The following IGSF11 variants were observed in gnomAD, a reference collection of about 807,000 sequenced individuals.
The protein encoded by IGSF11 is immunoglobulin superfamily member 11.
IGSF11 carries 22 observed loss-of-function variants against 41.0 expected under a neutral mutation model. That is an observed-to-expected ratio of 0.54 (90% CI 0.38 to 0.77). The LOEUF is 0.77. Ranked by LOEUF, IGSF11 falls within the 30% of genes least tolerant of loss-of-function variation. The pLI, the probability that IGSF11 is intolerant of heterozygous loss-of-function variation, is 0.00. For missense variants in IGSF11, 444 were observed against 530.8 expected (o/e 0.84, Z 1.61); for synonymous variants, 219 against 201.3 (o/e 1.09, Z -0.74).
intron 1 of IGSF11, among the ~76,000 whole-genome samples, chr3:118,974,641 C>A (rs114941672): frequency 2.3e-3 from 349 of 152,276 alleles, no homozygotes; most frequent in African/African-American, 7.9e-3. Flanking sequence ...CCATGACTGG[C>A]TTCCCAAAAG....
intron 1 of IGSF11, among the ~76,000 whole-genome samples, chr3:119,058,450 C>T (rs375660923): frequency 2.0e-5 from 3 of 151,904 alleles, no homozygotes; most frequent in Non-Finnish European, 4.4e-5. Context: ...GTTAGAATGG[C>T]AATCATTAAA....
chr3:118,974,693 C>A (rs1425205235), intron 1 of IGSF11, among the ~76,000 whole-genome samples: 1 of 152,152 alleles, frequency 6.6e-6, no homozygotes, highest in Admixed American at 6.5e-5. Flanking sequence ...CCTTTAAATT[C>A]TCCTTCCTCC....
At chr3:119,055,289 TGCAGC>T in intron 1 of IGSF11, among the ~76,000 whole-genome samples, 1 of 144,760 alleles carries the variant, frequency 6.9e-6, no homozygotes, top group Non-Finnish European at 1.5e-5. Flanking sequence ...TCCAAAGGAA[TGCAGC>T]TTCTCACCAG....
intron 1 of IGSF11, among the ~76,000 whole-genome samples, chr3:119,078,068 C>T (rs76012513): frequency 1.3e-5 from 2 of 152,154 alleles, no homozygotes; most frequent in South Asian, 2.1e-4. Context: ...TAGAAAACAT[C>T]GATATTATTA....
At chr3:119,032,425 TC>T (rs1418177196) in intron 1 of IGSF11, among the ~76,000 whole-genome samples, 1 of 152,160 alleles carries the variant, frequency 6.6e-6, no homozygotes, top group Non-Finnish European at 1.5e-5. Flanking sequence ...TTCATCCTCT[TC>T]CCCGCCCCAC....
rs376403171 is a variant in IGSF11, at chr3:118,930,194, G to A, written c.134C>T (p.Thr45Ile). Residue 45 changes from threonine (T) to isoleucine (I), a missense_variant, in exon 2 of 7, where the codon ACT becomes ATT. Around this residue, in one of 3 missense-constraint regions of IGSF11, gnomAD observed 193 missense variants for 283.5 expected, o/e 0.68. Transcript: ENST00000393775. ...ARGQPAVLPC[T>I]FTTSAALINL... The stretch of plus-strand genomic sequence containing the variant: ...AATGAGGGCAGCGCTGGTAGTGAAA[G>A]TGCAGGGCAGGACTGCTGGCTGACC... 5.0e-6 allele frequency: 8 copies of A among 1,614,080 alleles called. No homozygotes were observed. In the African/African-American group the frequency reaches 1.1e-4, roughly 22 times the overall value.
intron 1 of IGSF11, among the ~76,000 whole-genome samples, chr3:119,043,828 C>G (rs760233064): frequency 2.0e-5 from 3 of 152,166 alleles, no homozygotes; most frequent in African/African-American, 7.2e-5. Context: ...TGCAGTCCAG[C>G]TTTCAAGAAG....
At chr3:119,060,622 G>A (rs915765405) in intron 1 of IGSF11, among the ~76,000 whole-genome samples, 1 of 152,114 alleles carries the variant, frequency 6.6e-6, no homozygotes, top group East Asian at 1.9e-4. Flanking sequence ...AAAGAAAACT[G>A]AGATTCAAAG....
chr3:118,922,021 AAGAC>A (rs1297925425), intron 4 of IGSF11, among the ~76,000 whole-genome samples: 1 of 152,016 alleles, frequency 6.6e-6, no homozygotes, highest in African/African-American at 2.4e-5. Flanking sequence ...AGGACAATAG[AAGAC>A]AGAAAAAAAA....
At chr3:119,102,504 G>C (rs923346917) in intron 1 of IGSF11, among the ~76,000 whole-genome samples, 7 of 152,086 alleles carry the variant, frequency 4.6e-5, no homozygotes, top group African/African-American at 1.7e-4. Context: ...TAACATAAAT[G>C]TTAACAATTC....
intron 4 of IGSF11, among the ~76,000 whole-genome samples, chr3:118,911,145 AAATG>A (rs1285315568): frequency 6.6e-6 from 1 of 152,122 alleles, no homozygotes; most frequent in Non-Finnish European, 1.5e-5. Context: ...ATATATGTAA[AAATG>A]AATGAATATA....
intron 1 of IGSF11, among the ~76,000 whole-genome samples, chr3:119,046,792 G>C (rs1325083626): frequency 6.6e-6 from 1 of 151,866 alleles, no homozygotes; most frequent in Non-Finnish European, 1.5e-5. Flanking sequence ...ACTAACAGCG[G>C]ATCTCTCGGC....
intron 1 of IGSF11, among the ~76,000 whole-genome samples, chr3:118,975,567 C>CT (rs1933996217): frequency 6.6e-6 from 1 of 152,286 alleles, no homozygotes; most frequent in African/African-American, 2.4e-5. Context: ...AGCATCAACT[C>CT]TTATGTTCAC....
intron 1 of IGSF11, among the ~76,000 whole-genome samples, chr3:119,132,376 A>T: frequency 8.7e-6 from 1 of 114,964 alleles, no homozygotes; most frequent in Non-Finnish European, 1.8e-5. Flanking sequence ...GCAAACAGAA[A>T]GCAAAAAAAA....
intron 1 of IGSF11, among the ~76,000 whole-genome samples, chr3:119,027,101 T>G (rs1170176402): frequency 1.3e-5 from 2 of 152,174 alleles, no homozygotes; most frequent in Admixed American, 1.3e-4. Flanking sequence ...CAGTAACATT[T>G]GTAAGATCTG....
chr3:119,134,298 T>C (rs903650980), intron 1 of IGSF11, among the ~76,000 whole-genome samples: 2 of 152,172 alleles, frequency 1.3e-5, no homozygotes, highest in Non-Finnish European at 2.9e-5. Context: ...GATGACATGA[T>C]TGTCTATTTA....
chr3:119,034,868 G>A (rs1940797618), upstream of IGSF11: 1 of 1,195,022 alleles, frequency 8.4e-7, no homozygotes, highest in Non-Finnish European at 1.0e-6. Flanking sequence ...CGCGCAGTCC[G>A]GGGAGCCACT....
chr3:118,956,649 C>A (rs906044955), intron 1 of IGSF11, among the ~76,000 whole-genome samples: 1 of 151,970 alleles, frequency 6.6e-6, no homozygotes, highest in Admixed American at 6.6e-5. Context: ...TATGGCACCC[C>A]GAAACAATTA....
intron 1 of IGSF11, among the ~76,000 whole-genome samples, chr3:118,930,865 A>G (rs1942789898): frequency 6.6e-6 from 1 of 152,218 alleles, no homozygotes; most frequent in African/African-American, 2.4e-5. Flanking sequence ...TCTTTTTGCA[A>G]ATGTTGACAA....
Sources: allele counts gnomAD v4.1 joint callset (sites outside exome capture counted in the v4.1 genomes callset), GRCh38; gene constraint gnomAD v4.1.1; regional missense constraint gnomAD v4.1.1; transcripts MANE v1.5; gene names NCBI Gene and HGNC (gene_info 2026-07-23, HGNC 2026-07-21).